Variants in BMAL1 observed in about 807,000 individuals in gnomAD.
BMAL1 encodes the protein basic helix-loop-helix ARNT-like protein 1.
chr11:13,340,474 TG>T, the BMAL1 span, among the ~76,000 whole-genome samples: 1 of 152,218 alleles, frequency 6.6e-6, no homozygotes, highest in Non-Finnish European at 1.5e-5. Context: ...CAGGAGGAGT[TG>T]TCTCTCTGTT....
the BMAL1 span, chr11:13,354,871 T>C: frequency 4.3e-6 from 1 of 230,380 alleles, no homozygotes; most frequent in South Asian, 7.8e-5. Flanking sequence ...TGAATGTTTA[T>C]GGAAGGAATG....
At chr11:13,381,211 C>T in the BMAL1 span, 26 of 1,614,038 alleles carry the variant, frequency 1.6e-5, no homozygotes, top group South Asian at 1.8e-4. Context: ...TTGAACATCA[C>T]GAGTACGCCT....
chr11:13,283,078 G>A, the BMAL1 span, among the ~76,000 whole-genome samples: 1 of 152,222 alleles, frequency 6.6e-6, no homozygotes, highest in African/African-American at 2.4e-5. Context: ...GCAGGGGAAC[G>A]TTGAGTACTG....
At chr11:13,344,470 C>G in the BMAL1 span, among the ~76,000 whole-genome samples, 1 of 152,224 alleles carries the variant, frequency 6.6e-6, no homozygotes, top group Non-Finnish European at 1.5e-5. Flanking sequence ...TATTAAAACA[C>G]TCGTCTTTCT....
At chr11:13,309,732 C>A in the BMAL1 span, among the ~76,000 whole-genome samples, 1 of 152,128 alleles carries the variant, frequency 6.6e-6, no homozygotes, top group Non-Finnish European at 1.5e-5. Flanking sequence ...CCTTCCTAAA[C>A]AAGAAGTTAT....
At chr11:13,346,695 C>T in the BMAL1 span, among the ~76,000 whole-genome samples, 7 of 152,190 alleles carry the variant, frequency 4.6e-5, no homozygotes, top group East Asian at 3.9e-4. Context: ...AGGCATCTTG[C>T]GCAAGTCCCT....
chr11:13,381,737 A>G, the BMAL1 span, among the ~76,000 whole-genome samples: 1 of 152,194 alleles, frequency 6.6e-6, no homozygotes, highest in African/African-American at 2.4e-5. Context: ...CATTGGTGTG[A>G]CAGCATTGGA....
the BMAL1 span, chr11:13,375,885 C>A: frequency 1.1e-6 from 1 of 926,648 alleles, no homozygotes; most frequent in Non-Finnish European, 1.5e-6. Flanking sequence ...CTTGCTAATA[C>A]CTGTGAAGCC....
chr11:13,284,174 ATATGTGTATATATATATATGTGTG>A, the BMAL1 span, among the ~76,000 whole-genome samples: 25 of 35,972 alleles, frequency 6.9e-4, no homozygotes, highest in African/African-American at 8.8e-4. Context: ...GTATATATAT[ATATGTGTATATATATATATGTGTG>A]TATATATATA....
the BMAL1 span, among the ~76,000 whole-genome samples, chr11:13,361,771 T>C: frequency 1.6e-4 from 24 of 152,264 alleles, no homozygotes; most frequent in Middle Eastern, 0.021. Context: ...TTCTTTGTCT[T>C]TGCACTCAGC....
At chr11:13,284,399 A>G in the BMAL1 span, among the ~76,000 whole-genome samples, 1 of 150,784 alleles carries the variant, frequency 6.6e-6, no homozygotes, top group Non-Finnish European at 1.5e-5. Context: ...GAAATTAGAT[A>G]CCACTTTTTT....
the BMAL1 span, among the ~76,000 whole-genome samples, chr11:13,323,646 T>G: frequency 6.6e-6 from 1 of 152,232 alleles, no homozygotes; most frequent in Non-Finnish European, 1.5e-5. Context: ...AGACTGAGTC[T>G]TGCTTTGTCA....
At chr11:13,327,352 G>C in the BMAL1 span, among the ~76,000 whole-genome samples, 2 of 152,078 alleles carry the variant, frequency 1.3e-5, no homozygotes. Flanking sequence ...ATAGCTCATC[G>C]CAGATGCTGT....
At chr11:13,336,078 A>C in the BMAL1 span, among the ~76,000 whole-genome samples, 1 of 152,238 alleles carries the variant, frequency 6.6e-6, no homozygotes, top group South Asian at 2.1e-4. Context: ...ACTTTAAATG[A>C]AAAGAAATGG....
chr11:13,375,890 G>C, the BMAL1 span: 1 of 880,372 alleles, frequency 1.1e-6, no homozygotes, highest in Non-Finnish European at 1.6e-6. Flanking sequence ...TAATACCTGT[G>C]AAGCCTCAGG....
chr11:13,385,652 T>C, the BMAL1 span: 3 of 1,515,638 alleles, frequency 2.0e-6, no homozygotes, highest in South Asian at 1.1e-5. Flanking sequence ...CTCATAATAC[T>C]GATTCAAACT....
chr11:13,343,734 C>T, the BMAL1 span, among the ~76,000 whole-genome samples: 1 of 152,140 alleles, frequency 6.6e-6, no homozygotes. Flanking sequence ...TGTTTGGTGA[C>T]TTAGTTAGAC....
At chr11:13,354,991 CTTG>C in the BMAL1 span, 3 of 367,890 alleles carry the variant, frequency 8.2e-6, no homozygotes, top group Admixed American at 1.2e-4. Flanking sequence ...TATTTTTAGA[CTTG>C]TTGACTTTTC....
the BMAL1 span, chr11:13,380,537 G>C: frequency 1.3e-5 from 2 of 152,214 alleles, no homozygotes; most frequent in Non-Finnish European, 2.9e-5. Context: ...TCTTCTGAGA[G>C]ATATGCTAGA....
Sources: allele counts gnomAD v4.1 joint callset (sites outside exome capture counted in the v4.1 genomes callset), GRCh38; gene constraint gnomAD v4.1.1; transcripts MANE v1.5; gene names NCBI Gene and HGNC (gene_info 2026-07-23, HGNC 2026-07-21).